Variants in OTOF observed in about 807,000 individuals in gnomAD.
OTOF encodes fer-1-like family member 2.
Under a neutral mutation model 236.8 loss-of-function variants are expected in OTOF, and 218 were observed. The ratio of observed to expected loss-of-function variants is 0.92; its 90% CI spans 0.82 to 1.03. The LOEUF is 1.03. Ranked by LOEUF, OTOF falls within the 50% of genes least tolerant of loss-of-function variation. The pLI, the probability that OTOF is intolerant of heterozygous loss-of-function variation, is 0.00. For missense variants in OTOF, 2,590 were observed against 2,694.4 expected (o/e 0.96, Z 0.86); for synonymous variants, 1,041 against 1,072.5 (o/e 0.97, Z 0.57).
At chr2:26,527,773 A>T in intron 3 of OTOF, 59 bp downstream of exon 3, 2 of 1,226,382 alleles carry the variant, frequency 1.6e-6, no homozygotes, top group Non-Finnish European at 2.4e-6. Context: ...TAGCCCAAGG[A>T]GAAGAGCAGG....
Position 26,482,646 on chromosome 2 carries a change from CATGTGT to C in OTOF, c.1393-60_1393-55del, listed in dbSNP as rs1402946781. 3.7e-5 allele frequency: 55 copies of C among 1,490,528 alleles called. No homozygotes were observed. In the African/African-American group the frequency reaches 6.1e-4, roughly 17 times the overall value. The allele number at this position is 1,490,528 out of a possible 1,614,324, so 92.3% of individuals were successfully genotyped here. On this transcript the variant is annotated intron_variant, in intron 13 of 46. Transcript: ENST00000272371. Reference sequence around the variant, plus strand: ...CGTGGCATGTGTGTGTGAGTGGGTGCATGTGTGTGTGTGTGAGTGGGCGCATGTGTG... The same window carrying C: ...CGTGGCATGTGTGTGTGAGTGGGTGCGTGTGTGTGAGTGGGCGCATGTGTG...
At chr2:26,558,344 GACT>G (rs2148143920) in intron 1 of OTOF, 146 bp downstream of exon 1, 13 of 705,684 alleles carry the variant, frequency 1.8e-5, no homozygotes, top group Admixed American at 8.2e-5. Flanking sequence ...CCAGGCAGAT[GACT>G]ACCTGTGAAA....
rs752198669 is a variant in OTOF at position 26,480,347 on chromosome 2, AG to A, written c.1804-37del. On this transcript the variant is annotated intron_variant, in intron 15 of 46. Coordinates refer to ENST00000272371, the MANE Select transcript of OTOF (RefSeq NM_194248.3). ...GCAGTTCAAAGCGTTCCTGAGCTTG[AG>A]TAAGGGTGGCAGGTCGGGGGCCAGG... 2.3e-6 allele frequency: 3 copies of A among 1,304,388 alleles called. No homozygotes were observed. In the Admixed American group the frequency reaches 5.0e-5, roughly 22 times the overall value. 80.8% of individuals were successfully genotyped at this position (1,304,388 alleles called of 1,614,324 possible). A position where few individuals can be genotyped will look rare whatever the true frequency, so the allele number is the denominator to read the frequency against.
intron 5 of OTOF, among the ~76,000 whole-genome samples, chr2:26,509,636 C>T (rs1666334893): frequency 6.6e-6 from 1 of 152,158 alleles, no homozygotes; most frequent in South Asian, 2.1e-4. Flanking sequence ...CCTGATATTT[C>T]CATGATATCT....
rs141867899 is a variant in OTOF, at chr2:26,556,555, A to G, written c.79+1938T>C. On this transcript the variant is annotated intron_variant, in intron 1 of 46. Transcript: ENST00000272371. ...CTCAGTCCAGAGAGCAAGGGTTGCA[A>G]ATAAACTAATTCCTGTGTGGTCAGT... Among the ~76,000 whole-genome samples the G allele has an allele frequency of 6.7e-4, 102 of 152,242 alleles. 1 individual carries two copies. The highest frequency in any genetic ancestry group is 2.4e-3 in the African/African-American group (101 of 41,552).
intron 32 of OTOF, among the ~76,000 whole-genome samples, chr2:26,469,098 T>G (rs1664863625): frequency 6.6e-6 from 1 of 152,264 alleles, no homozygotes; most frequent in African/African-American, 2.4e-5. Context: ...TTACATTTTC[T>G]ACTTAAAAAA....
In OTOF at chr2:26,505,227, C is replaced by T. The variant is rs147159282; in HGVS notation, c.510-1382G>A. ...TGGCAGCAGCTCACAATTTAGGGAA[C>T]ATTAGCATGTTCTTTGAATTCCTAA... is the stretch of plus-strand genomic sequence containing the variant. On this transcript the variant is annotated intron_variant, in intron 5 of 46. Coordinates refer to ENST00000272371, the MANE Select transcript of OTOF (RefSeq NM_194248.3). 2.5e-3 allele frequency among the ~76,000 whole-genome samples: 375 copies of T among 152,254 alleles called. 1 individual carries two copies. Among genetic ancestry groups the T allele is most frequent in the Middle Eastern group, 3.4e-3 (1 of 294 alleles).
intron 25 of OTOF, 132 bp downstream of exon 25, chr2:26,475,227 G>C: frequency 9.5e-7 from 1 of 1,048,912 alleles, no homozygotes; most frequent in South Asian, 1.3e-5. Flanking sequence ...CAGCTTCCCA[G>C]CCAGCACCTG....
chr2:26,508,485 C>T (rs1666305714), intron 5 of OTOF, among the ~76,000 whole-genome samples: 1 of 152,178 alleles, frequency 6.6e-6, no homozygotes. Context: ...CACATGTGCC[C>T]ACGTTGTACC....
chr2:26,464,895 C>T lies in OTOF; in HGVS notation c.4934G>A (p.Gly1645Glu), dbSNP rs147037500. The T allele has an allele frequency of 6.2e-7, 1 of 1,601,110 alleles. No homozygotes were observed. The highest frequency in any genetic ancestry group is 1.4e-5 in the African/African-American group (1 of 73,992). The change falls in exon 39 of 47, where the codon GGG (glycine) becomes GAG (glutamate). Residue 1645 changes from glycine to glutamate, a missense_variant. Transcript: ENST00000272371. Reference protein sequence around the residue: ...RVKVANRVFTGPSEIEDENGQ... With the variant: ...RVKVANRVFTEPSEIEDENGQ... ...GTTCTCGTCCTCAATCTCAGAGGGCCCAGTGAAGACGCGGTTGGCCACCTT... is the reference window on the plus strand; with the variant it reads ...GTTCTCGTCCTCAATCTCAGAGGGCTCAGTGAAGACGCGGTTGGCCACCTT...
At position 26,457,890 on chromosome 2, in the gene OTOF, C is replaced by A. The variant is rs112312933; in HGVS notation, c.*348G>T. The A allele has an allele frequency of 1.6e-3, 1,220 of 776,260 alleles. 6 individuals are homozygous for A. In the African/African-American group the frequency reaches 0.019, roughly 12 times the overall value. 48.1% of individuals were successfully genotyped at this position (776,260 alleles called of 1,614,324 possible). On this transcript the variant is annotated 3_prime_UTR_variant, in exon 47 of 47. Transcript: ENST00000272371. This position sits in a 1 kb window ranked among gnomAD's most constrained non-coding sequence, Gnocchi z 4.4. Reference sequence around the variant, plus strand: ...CGCAGCCTGGGGCAGTGAGGACAGGCGGCCCCCGCAAGCAGGAGGCAGGCT... The same window carrying A: ...CGCAGCCTGGGGCAGTGAGGACAGGAGGCCCCCGCAAGCAGGAGGCAGGCT...
rs1007983672 is a variant in OTOF, at chr2:26,524,772, A to C, written c.227+3060T>G. 2.0e-5 allele frequency among the ~76,000 whole-genome samples: 3 copies of C among 152,340 alleles called. No individual in the cohort carries two copies. In the South Asian group the frequency reaches 6.2e-4, roughly 32 times the overall value. On this transcript the variant is annotated intron_variant, in intron 3 of 46. Transcript: ENST00000272371. ...GGAGTTGGATTAGGAAGAGAAGTTA[A>C]CAGACATGCATTCTAGCCCTGGCTC...
At chr2:26,494,848 C>T (rs1172408389) in intron 9 of OTOF, 94 bp downstream of exon 9, 2 of 1,487,176 alleles carry the variant, frequency 1.3e-6, no homozygotes, top group Admixed American at 1.7e-5. Flanking sequence ...CTGTGTGCTC[C>T]TTGACTTCCA....
At position 26,477,102 on chromosome 2, in the gene OTOF, C is replaced by G. The variant is rs912320460; in HGVS notation, c.2524-59G>C. The G allele has an allele frequency of 2.6e-6, 4 of 1,552,882 alleles. No individual in the cohort carries two copies. Among genetic ancestry groups the G allele is most frequent in the African/African-American group, 1.3e-5 (1 of 74,104 alleles). On this transcript the variant is annotated intron_variant, in intron 21 of 46. Coordinates refer to ENST00000272371, the MANE Select transcript of OTOF (RefSeq NM_194248.3). The surrounding 1 kb of genome is among the most constrained non-coding windows in gnomAD (Gnocchi z 4.7). ...AAGGGGGTCTAGCCTCCTGATTGAG[C>G]CCCCTGATCCTGAGGGGCCCCAGAG...
intron 5 of OTOF, among the ~76,000 whole-genome samples, chr2:26,515,199 C>T (rs1168500376): frequency 1.3e-5 from 2 of 152,214 alleles, no homozygotes; most frequent in Non-Finnish European, 2.9e-5. Flanking sequence ...AAGGGTCACA[C>T]GACTAGTAAG....
intron 40 of OTOF, 121 bp from the exon 41 acceptor site, chr2:26,463,692 G>T (rs1664592160): frequency 1.1e-6 from 1 of 917,234 alleles, no homozygotes; most frequent in Non-Finnish European, 1.7e-6. Flanking sequence ...TTCCATCTTT[G>T]GATGCCAGGA....
chr2:26,475,390 A>T lies in OTOF; in HGVS notation c.3095T>A (p.Ile1032Asn). 6.2e-7 allele frequency: 1 copy of T among 1,613,146 alleles called. No individual in the cohort carries two copies. The highest frequency in any genetic ancestry group is 8.5e-7 in the Non-Finnish European group (1 of 1,179,972). The change falls in exon 25 of 47, where the codon ATT (isoleucine) becomes AAT (asparagine). Residue 1032 changes from isoleucine (I) to asparagine (N), a missense_variant. This residue lies in a region of OTOF where 1,211 missense variants were observed against 1,352.8 expected (regional missense o/e 0.90). Coordinates refer to ENST00000272371, the MANE Select transcript of OTOF (RefSeq NM_194248.3). Reference protein sequence around the residue: ...AHELRDDPPIIVIEIYDQDSM... With the variant: ...AHELRDDPPINVIEIYDQDSM... ...ATCCTGGTCATAGATTTCAATGACA[A>T]TGATGGGCGGATCGTCCCTCAGCTC... is the stretch of plus-strand genomic sequence containing the variant.
intron 3 of OTOF, among the ~76,000 whole-genome samples, chr2:26,527,008 A>G (rs764268223): frequency 2.0e-5 from 3 of 152,188 alleles, no homozygotes; most frequent in Non-Finnish European, 4.4e-5. Context: ...AACCCAAGAT[A>G]TTACTTAGCC....
At chr2:26,510,391 G>A (rs1309215619) in intron 5 of OTOF, among the ~76,000 whole-genome samples, 2 of 152,090 alleles carry the variant, frequency 1.3e-5, no homozygotes, top group African/African-American at 4.8e-5. Context: ...AGGGAAGCCC[G>A]AAGGCCACAG....
Sources: allele counts gnomAD v4.1 joint callset (sites outside exome capture counted in the v4.1 genomes callset), GRCh38; gene constraint gnomAD v4.1.1; regional missense constraint gnomAD v4.1.1; non-coding constraint Gnocchi (gnomAD v3.1); transcripts MANE v1.5; gene names NCBI Gene and HGNC (gene_info 2026-07-23, HGNC 2026-07-21).